Variants in KDM2B observed in about 807,000 individuals in gnomAD.
KDM2B encodes the protein lysine demethylase 2B, also known as lysine-specific demethylase 2B.
KDM2B carries 26 observed loss-of-function variants against 150.0 expected under a neutral mutation model. That is an observed-to-expected ratio of 0.17 (90% CI 0.13 to 0.24). The LOEUF is 0.24. Ranked by LOEUF, KDM2B falls within the 10% of genes least tolerant of loss-of-function variation. The pLI, the probability that KDM2B is intolerant of heterozygous loss-of-function variation, is 1.00. For synonymous variants in KDM2B, 734 were observed against 729.5 expected, an observed-to-expected ratio of 1.01 and a Z score of -0.10; for missense variants, 1,265 against 1,816.9, an observed-to-expected ratio of 0.70 and a Z score of 5.52.
the KDM2B span, among the ~76,000 whole-genome samples, chr12:121,421,382 A>AAC: frequency 0.042 from 5,818 of 138,914 alleles, 172 homozygotes; most frequent in Middle Eastern, 0.077. Context: ...AAAAAAAAAA[A>AAC]AAAAAAAAAA....
At chr12:121,512,909 C>T (rs1885713429) in intron 10 of KDM2B, among the ~76,000 whole-genome samples, 1 of 152,232 alleles carries the variant, frequency 6.6e-6, no homozygotes, top group South Asian at 2.1e-4. Context: ...AAAAACCCAA[C>T]CTCCAGTGCA....
intron 13 of KDM2B, among the ~76,000 whole-genome samples, chr12:121,449,336 G>A (rs1000898138): frequency 6.6e-5 from 10 of 152,150 alleles, no homozygotes; most frequent in Non-Finnish European, 1.2e-4. Flanking sequence ...AGGTGGGGCT[G>A]CGTATGTCAC....
chr12:121,494,761 CA>C, intron 11 of KDM2B, 96 bp from the exon 12 acceptor site: 1 of 910,338 alleles, frequency 1.1e-6, no homozygotes, highest in Non-Finnish European at 1.6e-6. Context: ...GATCACACTC[CA>C]CAAAGTCAGC....
rs782684705 is a variant in KDM2B, at chr12:121,442,543, G to A, written c.2898C>T (p.Ala966=). 1 of 1,599,974 alleles carries A rather than the reference G, an allele frequency of 6.3e-7. No individual in the cohort carries two copies. The highest frequency in any genetic ancestry group is 2.2e-5 in the East Asian group (1 of 44,872). Residue 966 remains alanine (A), a synonymous_variant, in exon 19 of 23, where the codon GCC becomes GCT. Transcript: ENST00000377071. This position sits in a 1 kb window ranked among gnomAD's most constrained non-coding sequence, Gnocchi z 7.7. The stretch of plus-strand genomic sequence containing the variant: ...ACTTGATGGGCTGCTGGTTCTCGTT[G>A]GCCAGGCTGTTCTCCGTCCTCTGGA... ...HEIQRTENSL[A]NENQQPIKSE...
intron 6 of KDM2B, among the ~76,000 whole-genome samples, chr12:121,543,134 C>G (rs1555310012): frequency 6.6e-6 from 1 of 152,100 alleles, no homozygotes. Flanking sequence ...GCGGGTAGAT[C>G]ACTTGAGGTC....
intron 12 of KDM2B, among the ~76,000 whole-genome samples, chr12:121,474,817 T>C (rs1881172056): frequency 6.6e-6 from 1 of 152,062 alleles, no homozygotes; most frequent in Non-Finnish European, 1.5e-5. Context: ...CTGGGCGTGG[T>C]GGTGCACATC....
At chr12:121,496,829 C>G (rs1404359945) in intron 11 of KDM2B, among the ~76,000 whole-genome samples, 1 of 150,862 alleles carries the variant, frequency 6.6e-6, no homozygotes, top group Non-Finnish European at 1.5e-5. Flanking sequence ...GCTGGGATTG[C>G]AGGTGTGAGC....
chr12:121,511,711 C>A (rs1287758521), intron 10 of KDM2B, among the ~76,000 whole-genome samples: 2 of 152,340 alleles, frequency 1.3e-5, no homozygotes, highest in East Asian at 3.9e-4. Flanking sequence ...CCACTGGATT[C>A]TACACCCTAA....
chr12:121,531,264 A>G (rs1408359987), intron 8 of KDM2B, among the ~76,000 whole-genome samples: 2 of 152,144 alleles, frequency 1.3e-5, no homozygotes, highest in Non-Finnish European at 2.9e-5. Flanking sequence ...TCATCCCCGC[A>G]CTAAACCCTG....
At chr12:121,479,612 C>T (rs1286948438) in intron 12 of KDM2B, among the ~76,000 whole-genome samples, 1 of 152,006 alleles carries the variant, frequency 6.6e-6, no homozygotes, top group South Asian at 2.1e-4. Context: ...AACTGTGACT[C>T]CATTTTTCTC....
Position 121,509,557 on chromosome 12 carries a change from T to A in KDM2B, c.1647+10A>T, listed in dbSNP as rs880002019. ...TCGGCCGCCCAGCCCCAGACGCCAC[T>A]CCTGCCCACCTTCACACCCTCCAGG... On this transcript the variant is annotated intron_variant, in intron 11 of 22. Coordinates refer to ENST00000377071, the MANE Select transcript of KDM2B (RefSeq NM_032590.5). The A allele has an allele frequency of 1.4e-5, 23 of 1,610,044 alleles. No homozygotes were observed. The highest frequency in any genetic ancestry group is 2.0e-5 in the Non-Finnish European group (23 of 1,178,356).
intron 10 of KDM2B, 95 bp from the exon 11 acceptor site, chr12:121,510,134 AG>A (rs1344467301): frequency 9.3e-7 from 1 of 1,078,768 alleles, no homozygotes; most frequent in African/African-American, 1.6e-5. Context: ...CCTTTACTCC[AG>A]AGATCCAGCT....
rs1886839984 is a variant in KDM2B, at chr12:121,523,184, T to TA, written c.932-2085dup. On this transcript the variant is annotated intron_variant, in intron 8 of 22. Coordinates refer to ENST00000377071, the MANE Select transcript of KDM2B (RefSeq NM_032590.5). ...TGGCAAGCGACAGCGGCTCCGTTTT[T>TA]AGCCAGCACGCTGCACAGCTGCCGC... is the stretch of plus-strand genomic sequence containing the variant. 2.0e-5 allele frequency among the ~76,000 whole-genome samples: 3 copies of TA among 152,230 alleles called. No individual in the cohort carries two copies. The South Asian group carries it at 6.2e-4, about 31-fold the overall frequency.
At chr12:121,527,193 G>A (rs1171428140) in intron 8 of KDM2B, among the ~76,000 whole-genome samples, 3 of 148,282 alleles carry the variant, frequency 2.0e-5, no homozygotes, top group African/African-American at 7.5e-5. Flanking sequence ...TACTACATAG[G>A]CACCCGCCGC....
At chr12:121,441,477 C>G (rs1555288286) in intron 19 of KDM2B, among the ~76,000 whole-genome samples, 1 of 152,146 alleles carries the variant, frequency 6.6e-6, no homozygotes, top group Admixed American at 6.5e-5. Context: ...TCGCTCTGTT[C>G]CCAGGCTGGT....
chr12:121,536,581 G>A (rs1594076518), intron 6 of KDM2B, among the ~76,000 whole-genome samples: 1 of 151,718 alleles, frequency 6.6e-6, no homozygotes, highest in Non-Finnish European at 1.5e-5. Flanking sequence ...CCACCCCCAC[G>A]GACCACACTG....
At chr12:121,559,421 C>A (rs1890165408) in intron 4 of KDM2B, among the ~76,000 whole-genome samples, 1 of 152,102 alleles carries the variant, frequency 6.6e-6, no homozygotes, top group African/African-American at 2.4e-5. Flanking sequence ...GACCTCCCCT[C>A]CCCCAGGGAA....
intron 12 of KDM2B, among the ~76,000 whole-genome samples, chr12:121,481,187 T>A (rs1882091035): frequency 6.6e-6 from 1 of 152,100 alleles, no homozygotes. Context: ...CGCCTCAGCC[T>A]CCCAAATTGT....
At position 121,503,754 on chromosome 12, in the gene KDM2B, G is replaced by A. The variant is rs75517200; in HGVS notation, c.1647+5813C>T. Among the ~76,000 whole-genome samples, 186 of 152,360 alleles carry A rather than the reference G, an allele frequency of 1.2e-3. 6 individuals are homozygous for A. The East Asian group carries it at 0.03, about 24-fold the overall frequency. ...CCTTTAGCTGCAACCTATGTTCATGGCTTCCTTGTTCCTTAAAGTAATTCA... is the reference window on the plus strand; with the variant it reads ...CCTTTAGCTGCAACCTATGTTCATGACTTCCTTGTTCCTTAAAGTAATTCA... On this transcript the variant is annotated intron_variant, in intron 11 of 22. Coordinates refer to ENST00000377071, the MANE Select transcript of KDM2B (RefSeq NM_032590.5).
Sources: gnomAD v4.1 joint callset for allele counts (sites outside exome capture counted in the v4.1 genomes callset) on GRCh38, gnomAD v4.1.1 for gene constraint, Gnocchi (gnomAD v3.1) non-coding constraint, MANE v1.5 for transcripts, NCBI Gene and HGNC (gene_info 2026-07-23, HGNC 2026-07-21) for gene names.